CNTN1: variants seen among roughly 807,000 people sequenced by gnomAD.
CNTN1 encodes contactin-1.
A neutral mutation model predicts 126.4 loss-of-function variants in CNTN1; 38 were observed. The observed-to-expected ratio is 0.30, with a 90% confidence interval of 0.23 to 0.39. CNTN1 has a LOEUF of 0.39. Among genes scored for constraint, CNTN1 ranks in the 10% least tolerant of loss-of-function variants. CNTN1 has a pLI of 1.00. For missense variants in CNTN1, 1,009 were observed against 1,248.4 expected (o/e 0.81, Z 2.89); for synonymous variants, 413 against 422.6 (o/e 0.98, Z 0.28).
At chr12:40,919,236 A>G (rs1301575130) in intron 4 of CNTN1, among the ~76,000 whole-genome samples, 2 of 152,312 alleles carry the variant, frequency 1.3e-5, no homozygotes, top group East Asian at 3.9e-4. Flanking sequence ...ACAGTCTCAT[A>G]TCTATATTCC....
chr12:40,783,479 A>T (rs541295677), intron 1 of CNTN1, among the ~76,000 whole-genome samples: 1 of 152,224 alleles, frequency 6.6e-6, no homozygotes, highest in East Asian at 1.9e-4. Context: ...CAAAGTGAAT[A>T]AAGTAGATTA....
chr12:40,768,244 A>G (rs954646536), intron 1 of CNTN1, among the ~76,000 whole-genome samples: 25 of 152,210 alleles, frequency 1.6e-4, no homozygotes, highest in African/African-American at 6.0e-4. Context: ...TTCATGGAAA[A>G]AGACACTTTA....
chr12:40,876,032 A>G (rs1943656264), intron 1 of CNTN1, among the ~76,000 whole-genome samples: 2 of 151,988 alleles, frequency 1.3e-5, no homozygotes, highest in Admixed American at 1.3e-4. Context: ...ATCTCCAATA[A>G]TGATTTTACC....
intron 1 of CNTN1, among the ~76,000 whole-genome samples, chr12:40,746,387 T>A (rs1189429203): frequency 2.0e-5 from 3 of 152,034 alleles, no homozygotes; most frequent in Non-Finnish European, 4.4e-5. Flanking sequence ...TCTATAAGGG[T>A]CTGCAGCAAT....
intron 23 of CNTN1, among the ~76,000 whole-genome samples, chr12:41,043,027 G>C: frequency 6.6e-6 from 1 of 152,110 alleles, no homozygotes; most frequent in East Asian, 1.9e-4. Context: ...TTACATGTTA[G>C]ACCTAAAACC....
At chr12:40,781,990 G>A (rs1265826692) in intron 1 of CNTN1, among the ~76,000 whole-genome samples, 1 of 151,810 alleles carries the variant, frequency 6.6e-6, no homozygotes, top group Non-Finnish European at 1.5e-5. Flanking sequence ...TAGTCATCTT[G>A]AGAGAATAAA....
At chr12:40,721,358 C>A (rs1444288728) in intron 1 of CNTN1, among the ~76,000 whole-genome samples, 2 of 151,874 alleles carry the variant, frequency 1.3e-5, no homozygotes, top group East Asian at 1.9e-4. Flanking sequence ...TATATTGAAC[C>A]TTTTTTTCTA....
chr12:40,893,234 A>T (rs1392976000), intron 1 of CNTN1, among the ~76,000 whole-genome samples: 2 of 152,062 alleles, frequency 1.3e-5, no homozygotes, highest in African/African-American at 2.4e-5. Flanking sequence ...GCTAAATCAA[A>T]ATCACTTAAA....
chr12:40,726,541 T>G (rs953456464), intron 1 of CNTN1, among the ~76,000 whole-genome samples: 2 of 152,000 alleles, frequency 1.3e-5, no homozygotes, highest in African/African-American at 4.8e-5. Flanking sequence ...TCACTCACTA[T>G]CCCCAGAAAA....
chr12:40,894,325 C>T (rs1686331408), intron 1 of CNTN1, among the ~76,000 whole-genome samples: 1 of 152,072 alleles, frequency 6.6e-6, no homozygotes, highest in Non-Finnish European at 1.5e-5. Flanking sequence ...TGTATCCTTC[C>T]TCCCAATTGT....
At chr12:40,874,954 A>G (rs1009471400) in intron 1 of CNTN1, among the ~76,000 whole-genome samples, 2 of 152,184 alleles carry the variant, frequency 1.3e-5, no homozygotes, top group East Asian at 3.9e-4. Flanking sequence ...CATCTGGTAC[A>G]TGGTGTTCCT....
chr12:41,043,249 C>G (rs1249236355), intron 23 of CNTN1, among the ~76,000 whole-genome samples: 1 of 152,102 alleles, frequency 6.6e-6, no homozygotes, highest in Admixed American at 6.6e-5. Context: ...GCCACCTACT[C>G]ATCTGACAAA....
intron 18 of CNTN1, among the ~76,000 whole-genome samples, chr12:41,016,075 C>G (rs1038016611): frequency 1.3e-5 from 2 of 152,176 alleles, no homozygotes; most frequent in African/African-American, 4.8e-5. Context: ...ACTCTCTTAC[C>G]ATTGCCTTTC....
chr12:40,918,713 C>T lies in CNTN1; in HGVS notation c.169C>T (p.Leu57=). Reference sequence around the variant, plus strand: ...CAATACCATTTATCCAGAGGAATCACTGGAAGGAAAAGTCTCACTCAACTG... The same window carrying T: ...CAATACCATTTATCCAGAGGAATCATTGGAAGGAAAAGTCTCACTCAACTG... ...PINTIYPEES[L]EGKVSLNCRA... Residue 57 remains leucine (L), a synonymous_variant, in exon 4 of 24, where the codon CTG becomes TTG. Coordinates refer to ENST00000551295, the MANE Select transcript of CNTN1 (RefSeq NM_001843.4). 1 of 1,613,718 alleles carries T rather than the reference C, an allele frequency of 6.2e-7. No homozygotes were observed. Among genetic ancestry groups the T allele is most frequent in the Non-Finnish European group, 8.5e-7 (1 of 1,179,684 alleles).
chr12:41,034,483 G>T (rs1949213416), intron 23 of CNTN1, among the ~76,000 whole-genome samples: 1 of 152,058 alleles, frequency 6.6e-6, no homozygotes, highest in Admixed American at 6.5e-5. Flanking sequence ...AGTGTAAGAG[G>T]GACAAGAGGA....
chr12:40,845,582 G>C (rs1942468505), intron 1 of CNTN1, among the ~76,000 whole-genome samples: 1 of 141,940 alleles, frequency 7.0e-6, no homozygotes, highest in Non-Finnish European at 1.6e-5. Context: ...CTCCTAGATA[G>C]CCTCAAGATG....
chr12:41,063,277 G>T (rs1166733805), intron 23 of CNTN1, among the ~76,000 whole-genome samples: 1 of 152,198 alleles, frequency 6.6e-6, no homozygotes, highest in Non-Finnish European at 1.5e-5. Context: ...GCTGAGAAAG[G>T]CAAATTAGAG....
At chr12:40,818,480 G>A (rs905833237) in intron 1 of CNTN1, among the ~76,000 whole-genome samples, 1 of 152,108 alleles carries the variant, frequency 6.6e-6, no homozygotes, top group African/African-American at 2.4e-5. Context: ...ACTTGTGTAT[G>A]CATCACGAAG....
At chr12:40,803,184 C>T (rs895638276) in intron 1 of CNTN1, among the ~76,000 whole-genome samples, 1 of 151,934 alleles carries the variant, frequency 6.6e-6, no homozygotes, top group Non-Finnish European at 1.5e-5. Context: ...GCTACTGTTT[C>T]TTCTGTTAAT....
Sources: gnomAD v4.1 joint callset for allele counts (sites outside exome capture counted in the v4.1 genomes callset) on GRCh38, gnomAD v4.1.1 for gene constraint, MANE v1.5 for transcripts, NCBI Gene and HGNC (gene_info 2026-07-23, HGNC 2026-07-21) for gene names.